The following CAMTA1 variants were observed in gnomAD, a reference collection of about 807,000 sequenced individuals.
The protein encoded by CAMTA1 is calmodulin-binding transcription activator 1.
A neutral mutation model predicts 170.9 loss-of-function variants in CAMTA1; 27 were observed. The ratio of observed to expected loss-of-function variants is 0.16; its 90% confidence interval spans 0.12 to 0.22. CAMTA1 has a LOEUF of 0.22. CAMTA1 is among the 10% of genes least tolerant of loss of function. CAMTA1 has a pLI of 1.00. For missense variants in CAMTA1, 1,619 were observed against 2,217.2 expected (o/e 0.73, Z 5.42); for synonymous variants, 833 against 891.5 (o/e 0.93, Z 1.17).
At chr1:7,663,289 T>G in intron 8 of CAMTA1, 64 bp from the exon 9 acceptor site, 1 of 1,502,084 alleles carries the variant, frequency 6.7e-7, no homozygotes, top group Admixed American at 2.3e-5. Context: ...CTTTTGTGTG[T>G]GCATGTGTGT....
chr1:7,029,751 T>C (rs1307288465), intron 3 of CAMTA1, among the ~76,000 whole-genome samples: 1 of 152,216 alleles, frequency 6.6e-6, no homozygotes, highest in Non-Finnish European at 1.5e-5. Flanking sequence ...ACAGCTATAC[T>C]ATTTACTGCA....
At chr1:7,481,229 CT>C (rs1394884145) in intron 6 of CAMTA1, among the ~76,000 whole-genome samples, 5 of 152,296 alleles carry the variant, frequency 3.3e-5, no homozygotes, top group Admixed American at 2.6e-4. Context: ...TCACATCACC[CT>C]TATGCTTCAG....
intron 3 of CAMTA1, among the ~76,000 whole-genome samples, chr1:6,925,118 G>A (rs984072166): frequency 2.6e-5 from 4 of 152,238 alleles, no homozygotes; most frequent in African/African-American, 9.6e-5. Context: ...AGTGGGCAGG[G>A]GGCCCAAGGG....
At chr1:6,825,041 A>G in intron 2 of CAMTA1, 51 bp from the exon 3 acceptor site, 1 of 1,114,054 alleles carries the variant, frequency 9.0e-7, no homozygotes. Context: ...TGTACTTTAA[A>G]GGAGATTTTA....
At chr1:7,230,187 G>C (rs1490877513) in intron 4 of CAMTA1, among the ~76,000 whole-genome samples, 2 of 152,128 alleles carry the variant, frequency 1.3e-5, no homozygotes, top group Non-Finnish European at 2.9e-5. Flanking sequence ...GTTTGAAATT[G>C]TGGCTTAATG....
intron 4 of CAMTA1, among the ~76,000 whole-genome samples, chr1:7,121,371 T>G (rs1428604838): frequency 1.3e-5 from 2 of 152,178 alleles, no homozygotes; most frequent in Non-Finnish European, 2.9e-5. Flanking sequence ...ACACAATGGG[T>G]GGATAAGATG....
At chr1:7,687,972 C>T (rs2096273025) in intron 11 of CAMTA1, among the ~76,000 whole-genome samples, 1 of 150,080 alleles carries the variant, frequency 6.7e-6, no homozygotes. Context: ...GCAATTACGC[C>T]CCAGCTCCTA....
intron 5 of CAMTA1, among the ~76,000 whole-genome samples, chr1:7,319,473 A>G (rs1009529809): frequency 6.6e-6 from 1 of 151,996 alleles, no homozygotes; most frequent in Non-Finnish European, 1.5e-5. Flanking sequence ...TTCTGCCATG[A>G]TTGTAAGTTC....
At chr1:7,691,032 G>C (rs910015849) in intron 11 of CAMTA1, among the ~76,000 whole-genome samples, 1 of 152,204 alleles carries the variant, frequency 6.6e-6, no homozygotes. Flanking sequence ...TGCAGTCAAC[G>C]AGCTTCCCGT....
intron 4 of CAMTA1, among the ~76,000 whole-genome samples, chr1:7,133,755 G>A (rs982359290): frequency 6.6e-6 from 1 of 152,186 alleles, no homozygotes; most frequent in African/African-American, 2.4e-5. Flanking sequence ...TAGCTGAACT[G>A]TGTCCTTTCC....
At chr1:6,915,010 G>A (rs919048370) in intron 3 of CAMTA1, among the ~76,000 whole-genome samples, 6 of 152,160 alleles carry the variant, frequency 3.9e-5, no homozygotes, top group Non-Finnish European at 5.9e-5. Flanking sequence ...CGGGAGGCTC[G>A]GCCCTGCTCT....
intron 3 of CAMTA1, among the ~76,000 whole-genome samples, chr1:6,996,295 A>C (rs1297951646): frequency 1.3e-5 from 2 of 152,172 alleles, no homozygotes; most frequent in Non-Finnish European, 2.9e-5. Flanking sequence ...TACGTTGCAG[A>C]GACTTGGGAT....
intron 5 of CAMTA1, among the ~76,000 whole-genome samples, chr1:7,388,002 C>T (rs900074528): frequency 6.6e-6 from 1 of 152,162 alleles, no homozygotes; most frequent in African/African-American, 2.4e-5. Flanking sequence ...CTCCCCCTTC[C>T]CCTGCCAAGT....
intron 5 of CAMTA1, among the ~76,000 whole-genome samples, chr1:7,364,713 G>A (rs1412589232): frequency 2.6e-5 from 4 of 152,016 alleles, no homozygotes; most frequent in Non-Finnish European, 5.9e-5. Context: ...CTGGGCAGTG[G>A]GAGAGGGTAT....
chr1:7,587,757 C>A (rs2095323273), intron 6 of CAMTA1, among the ~76,000 whole-genome samples: 1 of 152,060 alleles, frequency 6.6e-6, no homozygotes, highest in Non-Finnish European at 1.5e-5. Context: ...TCTCCTCCTG[C>A]AACCAGGGTC....
chr1:6,810,952 G>A (rs1645097338), intron 1 of CAMTA1, among the ~76,000 whole-genome samples: 1 of 152,188 alleles, frequency 6.6e-6, no homozygotes, highest in Admixed American at 6.5e-5. Context: ...TGGAAAAACG[G>A]GAGCTTTCAG....
intron 3 of CAMTA1, among the ~76,000 whole-genome samples, chr1:7,034,434 G>T (rs1256435641): frequency 6.6e-6 from 1 of 152,164 alleles, no homozygotes; most frequent in African/African-American, 2.4e-5. Flanking sequence ...GATTACCGGC[G>T]TGAGCCACGT....
rs184652535 is a variant in CAMTA1, at chr1:7,648,082, C to T, written c.664+7529C>T. On this transcript the variant is annotated intron_variant, in intron 7 of 22. Transcript: ENST00000303635. ...CCTGGGTGACAGAGCAAGACCTTGT[C>T]TAAAGAAAAGAAGAGAGAGAAGAGA... Among the ~76,000 whole-genome samples the T allele has an allele frequency of 9.2e-5, 14 of 152,112 alleles. No individual in the cohort carries two copies. The East Asian group carries it at 2.7e-3, about 29-fold the overall frequency.
intron 3 of CAMTA1, among the ~76,000 whole-genome samples, chr1:6,968,148 C>T (rs1185293565): frequency 6.6e-6 from 1 of 152,232 alleles, no homozygotes; most frequent in African/African-American, 2.4e-5. Flanking sequence ...CCCTCCCTGC[C>T]CCAGATGGCA....
Sources: gnomAD v4.1 joint callset for allele counts (sites outside exome capture counted in the v4.1 genomes callset) on GRCh38, gnomAD v4.1.1 for gene constraint, MANE v1.5 for transcripts, NCBI Gene and HGNC (gene_info 2026-07-23, HGNC 2026-07-21) for gene names.